The following MARCHF1 variants were observed in gnomAD, a reference collection of about 807,000 sequenced individuals.
The protein encoded by MARCHF1 is membrane associated ring-CH-type finger 1, also known as E3 ubiquitin-protein ligase MARCHF1.
In MARCHF1, 40 loss-of-function variants were observed where a neutral mutation model predicts 54.2. The observed-to-expected ratio is 0.74, with a 90% CI of 0.57 to 0.96. The LOEUF is 0.96. MARCHF1 is among the 40% of genes least tolerant of loss of function. The pLI is 0.00. For synonymous variants in MARCHF1, 236 were observed against 236.3 expected, an observed-to-expected ratio of 1.00 and a Z score of 0.01; for missense variants, 586 against 656.5, an observed-to-expected ratio of 0.89 and a Z score of 1.17.
intron 3 of MARCHF1, among the ~76,000 whole-genome samples, chr4:163,876,262 CTT>C (rs1195545360): frequency 6.6e-6 from 1 of 152,100 alleles, no homozygotes; most frequent in East Asian, 1.9e-4. Flanking sequence ...TAAGATACAA[CTT>C]TTCTTCAGAA....
intron 1 of MARCHF1, among the ~76,000 whole-genome samples, chr4:164,338,585 A>G (rs1729825756): frequency 6.6e-6 from 1 of 152,216 alleles, no homozygotes; most frequent in Non-Finnish European, 1.5e-5. Context: ...ACAAATGGAA[A>G]CAAAAAAAGA....
chr4:164,232,764 G>A (rs528053352), intron 1 of MARCHF1, among the ~76,000 whole-genome samples: 1 of 151,770 alleles, frequency 6.6e-6, no homozygotes. Flanking sequence ...GCTGGTTAAA[G>A]AGTATTTAAG....
chr4:163,729,587 T>C (rs1321022223), intron 4 of MARCHF1, among the ~76,000 whole-genome samples: 1 of 152,112 alleles, frequency 6.6e-6, no homozygotes, highest in Non-Finnish European at 1.5e-5. Flanking sequence ...TGACAGATTT[T>C]TTCTTTAAAG....
At position 163,651,983 on chromosome 4, in the gene MARCHF1, AT is replaced by A. The variant is rs150767046; in HGVS notation, c.163-38591del. Among the ~76,000 whole-genome samples, 297 of 151,762 alleles carry A rather than the reference AT, an allele frequency of 2.0e-3. 5 individuals carry two copies. In the East Asian group the frequency reaches 0.036, roughly 19 times the overall value. ...GCAGCCTCTTCCCTTTCTCTCTTAGATAATATGCCTGACTCATTCTGAACTA... is the reference window on the plus strand; with the variant it reads ...GCAGCCTCTTCCCTTTCTCTCTTAGAAATATGCCTGACTCATTCTGAACTA... On this transcript the variant is annotated intron_variant, in intron 5 of 9. Coordinates refer to ENST00000514618, the MANE Select transcript of MARCHF1 (RefSeq NM_001394959.1).
At chr4:163,970,869 T>C (rs926400098) in intron 3 of MARCHF1, among the ~76,000 whole-genome samples, 1 of 152,198 alleles carries the variant, frequency 6.6e-6, no homozygotes, top group Non-Finnish European at 1.5e-5. Context: ...AAAATAAATA[T>C]TTCAAGCCTC....
chr4:163,827,584 C>A (rs1748889855), intron 4 of MARCHF1, among the ~76,000 whole-genome samples: 1 of 152,034 alleles, frequency 6.6e-6, no homozygotes, highest in Non-Finnish European at 1.5e-5. Context: ...AGCAGAGCAC[C>A]CCTCTGTGTA....
chr4:164,108,331 T>C (rs1277124394), intron 2 of MARCHF1, among the ~76,000 whole-genome samples: 1 of 152,164 alleles, frequency 6.6e-6, no homozygotes, highest in Non-Finnish European at 1.5e-5. Flanking sequence ...GTAATAACGA[T>C]TTTTTACTAA....
At chr4:164,328,606 T>G (rs535889442) in intron 1 of MARCHF1, among the ~76,000 whole-genome samples, 8 of 152,084 alleles carry the variant, frequency 5.3e-5, no homozygotes, top group African/African-American at 1.9e-4. Context: ...CTAGGCTCAC[T>G]GCAACCTCTG....
chr4:164,081,337 T>A (rs187749507), intron 2 of MARCHF1, among the ~76,000 whole-genome samples: 93 of 152,060 alleles, frequency 6.1e-4, no homozygotes, highest in Non-Finnish European at 9.1e-4. Flanking sequence ...ATCTTGTTCA[T>A]TGGTTCTATT....
At chr4:164,193,201 G>A (rs190376969) in intron 1 of MARCHF1, among the ~76,000 whole-genome samples, 3 of 152,092 alleles carry the variant, frequency 2.0e-5, no homozygotes, top group East Asian at 1.9e-4. Flanking sequence ...GACAATCACC[G>A]TGAATCACCT....
intron 3 of MARCHF1, among the ~76,000 whole-genome samples, chr4:163,870,798 AAG>A (rs1241724236): frequency 6.6e-6 from 1 of 152,152 alleles, no homozygotes; most frequent in Non-Finnish European, 1.5e-5. Flanking sequence ...ATCTCATAGA[AAG>A]AGAGAGTAGA....
At chr4:163,633,002 T>A (rs569793258) in intron 5 of MARCHF1, among the ~76,000 whole-genome samples, 1 of 152,102 alleles carries the variant, frequency 6.6e-6, no homozygotes, top group Non-Finnish European at 1.5e-5. Flanking sequence ...CACCTCACAC[T>A]GCAGGGTACT....
intron 1 of MARCHF1, among the ~76,000 whole-genome samples, chr4:164,115,734 T>TG (rs1755926266): frequency 6.6e-6 from 1 of 152,128 alleles, no homozygotes; most frequent in Non-Finnish European, 1.5e-5. Flanking sequence ...ATAATTCAAA[T>TG]GTTTCAATAC....
chr4:164,230,896 T>C (rs1283664150), intron 1 of MARCHF1, among the ~76,000 whole-genome samples: 3 of 152,192 alleles, frequency 2.0e-5, no homozygotes, highest in Admixed American at 6.5e-5. Context: ...GAGACAATAA[T>C]TGAAATTTCA....
intron 3 of MARCHF1, among the ~76,000 whole-genome samples, chr4:163,962,806 GC>G (rs1752367442): frequency 6.6e-6 from 1 of 151,392 alleles, no homozygotes; most frequent in Admixed American, 6.6e-5. Context: ...TTTAAAATAA[GC>G]TTTTTAAAGC....
intron 2 of MARCHF1, among the ~76,000 whole-genome samples, chr4:164,024,520 T>C (rs1020640391): frequency 3.9e-5 from 6 of 152,176 alleles, no homozygotes; most frequent in African/African-American, 1.4e-4. Context: ...AATAAAATCC[T>C]TCTCAGACAA....
At chr4:163,650,757 GT>G (rs1480737898) in intron 5 of MARCHF1, among the ~76,000 whole-genome samples, 1 of 151,878 alleles carries the variant, frequency 6.6e-6, no homozygotes, top group Non-Finnish European at 1.5e-5. Context: ...CTTACCATGT[GT>G]ATTCGTTAGC....
intron 2 of MARCHF1, among the ~76,000 whole-genome samples, chr4:164,066,999 A>G (rs1387829299): frequency 2.0e-5 from 3 of 150,952 alleles, no homozygotes; most frequent in Non-Finnish European, 4.4e-5. Context: ...ACAAACCTGC[A>G]CTTGTACCTC....
At chr4:163,849,153 G>A (rs1389601401) in intron 4 of MARCHF1, among the ~76,000 whole-genome samples, 1 of 152,128 alleles carries the variant, frequency 6.6e-6, no homozygotes, top group East Asian at 1.9e-4. Flanking sequence ...CCTCTAGATT[G>A]AGACTGATTG....
Sources: allele counts gnomAD v4.1 joint callset (sites outside exome capture counted in the v4.1 genomes callset), GRCh38; gene constraint gnomAD v4.1.1; transcripts MANE v1.5; gene names NCBI Gene and HGNC (gene_info 2026-07-23, HGNC 2026-07-21).